Variants in ZBTB7C observed in about 807,000 individuals in gnomAD.
ZBTB7C encodes zinc finger and BTB domain containing 7C.
In ZBTB7C, 8 loss-of-function variants were observed where a neutral mutation model predicts 25.7. The ratio of observed to expected loss-of-function variants is 0.31; its 90% CI spans 0.18 to 0.56. ZBTB7C has a LOEUF of 0.56. Among genes scored for constraint, ZBTB7C ranks in the 20% least tolerant of loss-of-function variants. The probability of loss-of-function intolerance (pLI) is 0.91; values close to 1 mark genes in which losing one functional copy is unlikely to be tolerated. For missense variants in ZBTB7C, 824 were observed against 855.2 expected, an observed-to-expected ratio of 0.96 and a Z score of 0.46; for synonymous variants, 394 against 369.0, an observed-to-expected ratio of 1.07 and a Z score of -0.78.
chr18:48,238,780 T>C (rs986966743), intron 2 of ZBTB7C, among the ~76,000 whole-genome samples: 1 of 152,058 alleles, frequency 6.6e-6, no homozygotes, highest in African/African-American at 2.4e-5. Context: ...CTGGGCAGAA[T>C]GGGGGTGAGG....
intron 1 of ZBTB7C, among the ~76,000 whole-genome samples, chr18:48,392,296 C>T (rs1470470757): frequency 1.3e-5 from 2 of 152,188 alleles, no homozygotes; most frequent in African/African-American, 4.8e-5. Context: ...GCTTTGAATT[C>T]TTAAAGATGA....
intron 3 of ZBTB7C, among the ~76,000 whole-genome samples, chr18:48,089,516 T>C (rs901980790): frequency 8.8e-5 from 13 of 147,502 alleles, no homozygotes; most frequent in African/African-American, 7.5e-5. Flanking sequence ...GTTCAGAAAG[T>C]GGGGCCCTAG....
chr18:48,101,640 T>A (rs1431972505), intron 3 of ZBTB7C, among the ~76,000 whole-genome samples: 1 of 152,152 alleles, frequency 6.6e-6, no homozygotes, highest in African/African-American at 2.4e-5. Context: ...ACTCACAGCA[T>A]CCCCATCAAG....
intron 2 of ZBTB7C, among the ~76,000 whole-genome samples, chr18:48,289,461 G>A (rs2045155367): frequency 6.6e-6 from 1 of 151,698 alleles, no homozygotes; most frequent in African/African-American, 2.4e-5. Context: ...ATTAGGTTAA[G>A]CAAAGAAAAC....
rs113524495 is a variant in ZBTB7C, at chr18:48,034,489, G to A, written c.1209-4578C>T. The stretch of plus-strand genomic sequence containing the variant: ...AGAAGGCCAAGCCCAGAGCCAGGGT[G>A]CCCCTTCCTCCCAGCCCTCTTCCTC... On this transcript the variant is annotated intron_variant, in intron 4 of 4. Coordinates refer to ENST00000590800, the MANE Select transcript of ZBTB7C (RefSeq NM_001318841.2). 1.4e-3 allele frequency among the ~76,000 whole-genome samples: 217 copies of A among 152,144 alleles called. 2 individuals carry two copies. Among genetic ancestry groups the A allele is most frequent in the African/African-American group, 5.0e-3 (209 of 41,512 alleles).
intron 3 of ZBTB7C, among the ~76,000 whole-genome samples, chr18:48,126,704 G>T (rs142001079): frequency 1.3e-4 from 20 of 152,150 alleles, no homozygotes; most frequent in Admixed American, 6.5e-4. Context: ...TGGGAGAAAG[G>T]GGGGAGGACC....
At chr18:48,152,478 A>C (rs1239028251) in intron 3 of ZBTB7C, among the ~76,000 whole-genome samples, 1 of 152,248 alleles carries the variant, frequency 6.6e-6, no homozygotes, top group Non-Finnish European at 1.5e-5. Flanking sequence ...CAGATGATAG[A>C]TAGAACAGAT....
chr18:48,115,836 C>T (rs1019742410), intron 3 of ZBTB7C, among the ~76,000 whole-genome samples: 2 of 151,986 alleles, frequency 1.3e-5, no homozygotes, highest in African/African-American at 4.8e-5. Flanking sequence ...GTAAGACCAT[C>T]AGGAAGAAGC....
At chr18:48,371,857 G>T (rs1184840168) in intron 1 of ZBTB7C, among the ~76,000 whole-genome samples, 2 of 152,132 alleles carry the variant, frequency 1.3e-5, no homozygotes, top group Non-Finnish European at 2.9e-5. Flanking sequence ...TCCCAGAAAG[G>T]TTTCCATCCT....
At chr18:48,269,232 G>A (rs59709718) in intron 2 of ZBTB7C, among the ~76,000 whole-genome samples, 7,274 of 152,180 alleles carry the variant, frequency 0.048, 209 homozygotes, top group Middle Eastern at 0.085. Context: ...CCAAAGTGCT[G>A]GGATTACACA....
At chr18:48,161,498 G>A (rs2041031177) in intron 3 of ZBTB7C, among the ~76,000 whole-genome samples, 1 of 152,056 alleles carries the variant, frequency 6.6e-6, no homozygotes. Context: ...CAGTTCGCCG[G>A]GCCCACGCTC....
chr18:48,280,866 T>G (rs1190779646), intron 2 of ZBTB7C, among the ~76,000 whole-genome samples: 1 of 148,172 alleles, frequency 6.7e-6, no homozygotes, highest in African/African-American at 2.5e-5. Context: ...TTTTTTTTTT[T>G]TTTTTGAGAC....
At position 48,029,530 on chromosome 18, in the gene ZBTB7C, G is replaced by A. The variant is rs201000185; in HGVS notation, c.1590C>T (p.Pro530=). ...GAAVCLPGPS[P]AKHFLAAPKG... The stretch of plus-strand genomic sequence containing the variant: ...TGGGCGCTGCCAGGAAGTGCTTGGC[G>A]GGGCTGGGGCCCGGGAGGCACACAG... Residue 530 remains proline (P), a synonymous_variant, in exon 5 of 5, where the codon CCC becomes CCT. Transcript: ENST00000590800. 1.6e-4 allele frequency: 256 copies of A among 1,574,010 alleles called. 2 individuals carry two copies. In the South Asian group the frequency reaches 2.6e-3, roughly 16 times the overall value.
intron 3 of ZBTB7C, among the ~76,000 whole-genome samples, chr18:48,082,861 T>A (rs1368025583): frequency 1.3e-5 from 2 of 152,092 alleles, no homozygotes; most frequent in African/African-American, 2.4e-5. Flanking sequence ...ACAGGAAGGA[T>A]CTGATGTGGG....
chr18:48,100,369 C>T (rs901369950), intron 3 of ZBTB7C, among the ~76,000 whole-genome samples: 1 of 152,150 alleles, frequency 6.6e-6, no homozygotes, highest in Non-Finnish European at 1.5e-5. Flanking sequence ...GCTGGTTCTG[C>T]CAGAGGAAAA....
At chr18:48,117,019 T>C (rs1043897648) in intron 3 of ZBTB7C, among the ~76,000 whole-genome samples, 1 of 152,142 alleles carries the variant, frequency 6.6e-6, no homozygotes, top group Non-Finnish European at 1.5e-5. Context: ...AGAATGGACT[T>C]CATTTTTACC....
chr18:48,223,728 AC>A (rs2043017054), intron 2 of ZBTB7C, among the ~76,000 whole-genome samples: 2 of 152,100 alleles, frequency 1.3e-5, no homozygotes, highest in African/African-American at 4.8e-5. Context: ...ACGTCCTTTA[AC>A]CTGATGTTCT....
intron 2 of ZBTB7C, among the ~76,000 whole-genome samples, chr18:48,284,905 C>G (rs566614120): frequency 6.6e-6 from 1 of 152,110 alleles, no homozygotes; most frequent in East Asian, 1.9e-4. Flanking sequence ...TCTTGTCCAG[C>G]ATGGATAAGA....
intron 2 of ZBTB7C, among the ~76,000 whole-genome samples, chr18:48,306,945 C>T (rs1253087530): frequency 1.3e-5 from 2 of 152,160 alleles, no homozygotes; most frequent in East Asian, 1.9e-4. Context: ...CAGTGTTCCA[C>T]GGAGCAGGCC....
Sources: gnomAD v4.1 joint callset for allele counts (sites outside exome capture counted in the v4.1 genomes callset) on GRCh38, gnomAD v4.1.1 for gene constraint, MANE v1.5 for transcripts, NCBI Gene and HGNC (gene_info 2026-07-23, HGNC 2026-07-21) for gene names.